Variants in AP3D1 observed in about 807,000 individuals in gnomAD.
AP3D1 encodes adaptor related protein complex 3 subunit delta 1, also known as AP-3 complex subunit delta-1.
In AP3D1, 51 loss-of-function variants were observed where a neutral mutation model predicts 147.6. The ratio of observed to expected loss-of-function variants is 0.35; its 90% CI spans 0.28 to 0.44. The LOEUF (loss-of-function observed/expected upper bound fraction) is 0.44, where lower values mean the gene tolerates loss of function less well. Among genes scored for constraint, AP3D1 ranks in the 20% least tolerant of loss-of-function variants. The pLI is 1.00. For synonymous variants in AP3D1, 760 were observed against 663.0 expected (o/e 1.15, Z -2.25); for missense variants, 1,421 against 1,624.2 (o/e 0.87, Z 2.15).
intron 9 of AP3D1, 74 bp from the exon 10 acceptor site, chr19:2,123,953 C>T: frequency 6.7e-7 from 1 of 1,485,488 alleles, no homozygotes; most frequent in Admixed American, 2.0e-5. Context: ...GGCCACGGGG[C>T]ACCAGCACCC....
rs1388286331 is a variant in AP3D1, at chr19:2,151,526, C to A, written c.-192G>T. ...CGACCCGCTCGGCAGGTGCCGCGAT[C>A]CCGCTCCGGGCCCCTTGCAAATGGC... On this transcript the variant is annotated 5_prime_UTR_variant, in exon 1 of 32. Transcript: ENST00000643116. 5 of 168,144 alleles carry A rather than the reference C, an allele frequency of 3.0e-5. No homozygotes were observed. The highest frequency in any genetic ancestry group is 6.1e-5 in the Non-Finnish European group (5 of 81,334). 10.4% of individuals were successfully genotyped at this position (168,144 alleles called of 1,614,324 possible). A position where few individuals can be genotyped will look rare whatever the true frequency, so the allele number is the denominator to read the frequency against.
At chr19:2,148,921 C>T (rs937774999) in intron 1 of AP3D1, among the ~76,000 whole-genome samples, 9 of 152,154 alleles carry the variant, frequency 5.9e-5, no homozygotes, top group African/African-American at 1.7e-4. Flanking sequence ...GTCTTTGTTC[C>T]GGGTGCAGTG....
chr19:2,157,191 C>A (rs993825837), intron 1 of AP3D1, among the ~76,000 whole-genome samples: 8 of 151,428 alleles, frequency 5.3e-5, no homozygotes, highest in African/African-American at 1.9e-4. Context: ...GCCTGTAATC[C>A]CAGCACTTTG....
At position 2,123,755 on chromosome 19, in the gene AP3D1, G is replaced by T. The variant is rs183190198; in HGVS notation, c.906+75C>A. The T allele has an allele frequency of 9.8e-3, 14,822 of 1,514,976 alleles. 72 individuals carry two copies. The highest frequency in any genetic ancestry group is 0.012 in the Non-Finnish European group (12,996 of 1,123,020). The allele number at this position is 1,514,976 out of a possible 1,614,324, so 93.8% of individuals were successfully genotyped here. A position where few individuals can be genotyped will look rare whatever the true frequency, so the allele number is the denominator to read the frequency against. ...GACCAGCACCTTGGTCACAGGGTGG[G>T]CAAGCTCCCGCCTGTGGAAAGGTGT... On this transcript the variant is annotated intron_variant, in intron 10 of 31. Transcript: ENST00000643116.
Position 2,132,371 on chromosome 19 carries a change from C to T in AP3D1, c.462+100G>A, listed in dbSNP as rs182625690. ...CAGGCAGGCCACGCACCGGGGACCC[C>T]GGCCGGTTTCCGCATAGCCAAGCTT... On this transcript the variant is annotated intron_variant, in intron 5 of 31. Transcript: ENST00000643116. 839 of 1,099,958 alleles carry T rather than the reference C, an allele frequency of 7.6e-4. 5 individuals carry two copies. In the African/African-American group the frequency reaches 0.011, roughly 14 times the overall value. 68.1% of individuals were successfully genotyped at this position (1,099,958 alleles called of 1,614,324 possible).
At chr19:2,133,553 G>C (rs1401106050) in intron 4 of AP3D1, 1 of 151,718 alleles carries the variant, frequency 6.6e-6, no homozygotes, top group African/African-American at 2.4e-5. Flanking sequence ...CCCCCAGGCT[G>C]GAATGCAGTG....
At chr19:2,154,275 G>T (rs1368581229), upstream of AP3D1, among the ~76,000 whole-genome samples, 5 of 145,258 alleles carry the variant, frequency 3.4e-5, no homozygotes, top group Admixed American at 3.4e-4. Context: ...TTTATTTATG[G>T]TTTTTTTTTT....
At chr19:2,163,228 C>T (rs777159433) in intron 1 of AP3D1, among the ~76,000 whole-genome samples, 5 of 152,150 alleles carry the variant, frequency 3.3e-5, no homozygotes, top group Non-Finnish European at 7.4e-5. Context: ...CGCCCGCCAC[C>T]GCGCCCAGCT....
In AP3D1 at chr19:2,102,267, C is replaced by A. The variant is rs1393263790; in HGVS notation, c.3554G>T (p.Gly1185Val). Residue 1185 changes from glycine to valine, a missense_variant and splice_region_variant, in exon 32 of 32, where the codon GGT becomes GTT. This residue lies in a region of AP3D1 where 9 missense variants were observed against 25.7 expected (regional missense o/e 0.35). Coordinates refer to ENST00000643116, the MANE Select transcript of AP3D1 (RefSeq NM_001261826.3). The part of the protein sequence containing the change: ...GHHVCLLVKK[G>V]ENSVSVDGKC... ...CCCGTCGACTGAGACAGAGTTCTCA[C>A]CCTGTGTAAGGAAAAAAGATGGATA... 6.2e-7 allele frequency: 1 copy of A among 1,612,016 alleles called. No individual in the cohort carries two copies. Among genetic ancestry groups the A allele is most frequent in the Non-Finnish European group, 8.5e-7 (1 of 1,178,260 alleles).
chr19:2,134,802 T>C (rs772205744), intron 4 of AP3D1, among the ~76,000 whole-genome samples: 65 of 147,114 alleles, frequency 4.4e-4, no homozygotes, highest in Non-Finnish European at 5.2e-4. Flanking sequence ...GGTTTCACCA[T>C]GTTGGTCAGG....
chr19:2,128,084 C>T (rs916660679), intron 8 of AP3D1, among the ~76,000 whole-genome samples: 10 of 152,204 alleles, frequency 6.6e-5, no homozygotes, highest in South Asian at 2.1e-4. Flanking sequence ...AAAGTCATGG[C>T]GATGACGCCT....
At chr19:2,121,673 C>T (rs1036198656) in intron 12 of AP3D1, 61 bp downstream of exon 12, 7 of 1,520,800 alleles carry the variant, frequency 4.6e-6, no homozygotes, top group South Asian at 4.0e-5. Context: ...CTGCACCTGA[C>T]ACTTAATGTC....
At chr19:2,122,980 A>G (rs1343780382) in intron 11 of AP3D1, among the ~76,000 whole-genome samples, 2 of 152,160 alleles carry the variant, frequency 1.3e-5, no homozygotes, top group Non-Finnish European at 2.9e-5. Flanking sequence ...CTATCTCACA[A>G]CGCAAAGCCT....
intron 1 of AP3D1, among the ~76,000 whole-genome samples, chr19:2,150,865 T>C (rs1409648814): frequency 6.6e-6 from 1 of 151,786 alleles, no homozygotes; most frequent in Non-Finnish European, 1.5e-5. Context: ...CCTGGGAGGG[T>C]GGCCCGAGAC....
rs540890194 is a variant in AP3D1 at position 2,134,695 on chromosome 19, G to A, written c.355-2117C>T. 2.0e-5 allele frequency among the ~76,000 whole-genome samples: 3 copies of A among 151,744 alleles called. No individual in the cohort carries two copies. The South Asian group carries it at 6.2e-4, about 32-fold the overall frequency. On this transcript the variant is annotated intron_variant, in intron 4 of 31. Coordinates refer to ENST00000643116, the MANE Select transcript of AP3D1 (RefSeq NM_001261826.3). Reference sequence around the variant, plus strand: ...TGGCTCACCACAACCTCCGCCTCCTGGGTTCAAACAATTCTCCTGCCTCAG... The same window carrying A: ...TGGCTCACCACAACCTCCGCCTCCTAGGTTCAAACAATTCTCCTGCCTCAG...
intron 17 of AP3D1, 108 bp downstream of exon 17, chr19:2,116,497 A>T: frequency 7.1e-7 from 1 of 1,400,148 alleles, no homozygotes; most frequent in Non-Finnish European, 9.4e-7. Flanking sequence ...CCATGCCTCC[A>T]CTGCCAGGGT....
At chr19:2,120,712 G>C in intron 14 of AP3D1, 150 bp downstream of exon 14, 4 of 706,466 alleles carry the variant, frequency 5.7e-6, no homozygotes, top group Non-Finnish European at 9.5e-6. Context: ...CATTGTCAGG[G>C]GACAGGTGCT....
In AP3D1 at chr19:2,121,320, AAGTGTACAGAC is replaced by A; in HGVS notation, c.1102-20_1102-10del. 1 of 1,613,902 alleles carries A rather than the reference AAGTGTACAGAC, an allele frequency of 6.2e-7. No individual in the cohort carries two copies. Among genetic ancestry groups the A allele is most frequent in the Non-Finnish European group, 8.5e-7 (1 of 1,179,950 alleles). ...AGGTTCTTCTTGGACACCTGGGCAA[AAGTGTACAGAC>A]AGTGGTGAGAGCGGACCCAGCCTGG... On this transcript the variant is annotated splice_polypyrimidine_tract_variant and intron_variant, in intron 12 of 31. Transcript: ENST00000643116.
At position 2,112,180 on chromosome 19, in the gene AP3D1, CA is replaced by C. The variant is rs2018302002; in HGVS notation, c.2788-353del. 1.6e-5 allele frequency: 5 copies of C among 313,152 alleles called. No individual in the cohort carries two copies. In the South Asian group the frequency reaches 2.1e-4, roughly 13 times the overall value. 19.4% of individuals were successfully genotyped at this position (313,152 alleles called of 1,614,324 possible). On this transcript the variant is annotated intron_variant, in intron 24 of 31. Coordinates refer to ENST00000643116, the MANE Select transcript of AP3D1 (RefSeq NM_001261826.3). Reference sequence around the variant, plus strand: ...AACACACACATCCACGCGCACTGCGCAGATGTTCAAAGCGGCATACTGTGTC... The same window carrying C: ...AACACACACATCCACGCGCACTGCGCGATGTTCAAAGCGGCATACTGTGTC...
Sources: gnomAD v4.1 joint callset for allele counts (sites outside exome capture counted in the v4.1 genomes callset) on GRCh38, gnomAD v4.1.1 for gene constraint, gnomAD v4.1.1 regional missense constraint, MANE v1.5 for transcripts, NCBI Gene and HGNC (gene_info 2026-07-23, HGNC 2026-07-21) for gene names.